DDX3Y: variants seen among roughly 807,000 people sequenced by gnomAD.
The protein encoded by DDX3Y is ATP-dependent RNA helicase DDX3Y.
Under a neutral mutation model 15.1 loss-of-function variants are expected in DDX3Y, and 2 were observed. The ratio of observed to expected loss-of-function variants is 0.13; its 90% CI spans 0.05 to 0.42. DDX3Y has a LOEUF of 0.42. Ranked by LOEUF, DDX3Y falls within the 10% of genes least tolerant of loss-of-function variation. DDX3Y has a pLI of 0.99. For missense variants in DDX3Y, 81 were observed against 149.9 expected, an observed-to-expected ratio of 0.54 and a Z score of 2.40; for synonymous variants, 47 against 45.0, an observed-to-expected ratio of 1.04 and a Z score of -0.18.
At chrY:12,908,569 A>C in intron 2 of DDX3Y, among the ~76,000 whole-genome samples, 1 of 34,463 alleles carries the variant, frequency 2.9e-5, no homozygotes, top group Non-Finnish European at 7.3e-5. Flanking sequence ...TTTACTTCTT[A>C]ATCATAGACT....
chrY:12,913,174 A>T, intron 6 of DDX3Y, 112 bp downstream of exon 6: 1 of 172,110 alleles, frequency 5.8e-6, no homozygotes, highest in Non-Finnish European at 1.0e-5. Flanking sequence ...TACCAAACTT[A>T]TGAAGCATCC....
At chrY:12,916,127 T>C in intron 12 of DDX3Y, 100 bp downstream of exon 12, 1 of 331,143 alleles carries the variant, frequency 3.0e-6, no homozygotes, top group East Asian at 9.5e-5. Flanking sequence ...AAAACAATGC[T>C]TACATTAATT....
intron 1 of DDX3Y, among the ~76,000 whole-genome samples, chrY:12,907,101 C>CA (rs2053614464): frequency 3.3e-5 from 1 of 30,554 alleles, no homozygotes; most frequent in Admixed American, 3.0e-4. Context: ...GTCTTCAGGG[C>CA]AAAGATAAAT....
chrY:12,904,880 C>G lies in DDX3Y; in HGVS notation c.-57C>G. On this transcript the variant is annotated 5_prime_UTR_variant, in exon 1 of 17. Coordinates refer to ENST00000336079, the MANE Select transcript of DDX3Y (RefSeq NM_004660.5). ...TAGCTGTAGGTCCAGTGTAAGAGTT[C>G]CGCTATTCGGTCTCACACCTACAGT... The G allele has an allele frequency of 2.7e-6, 1 of 370,425 alleles. No individual in the cohort carries two copies. Among genetic ancestry groups the G allele is most frequent in the Middle Eastern group, 6.3e-4 (1 of 1,596 alleles). 92.4% of individuals were successfully genotyped at this position (370,425 alleles called of 400,897 possible).
At position 12,920,311 on chromosome Y, in the gene DDX3Y, T is replaced by C. The variant is rs1001741722; in HGVS notation, c.*2189T>C. On this transcript the variant is annotated 3_prime_UTR_variant, in exon 17 of 17. Coordinates refer to ENST00000336079, the MANE Select transcript of DDX3Y (RefSeq NM_004660.5). Reference sequence around the variant, plus strand: ...GTCAGTGACTTAACATTCGGTTTTATCAGCCAGCAGTATTCTTCAGTAAAT... The same window carrying C: ...GTCAGTGACTTAACATTCGGTTTTACCAGCCAGCAGTATTCTTCAGTAAAT... The C allele has an allele frequency of 1.8e-4, 6 of 34,026 alleles. No homozygotes were observed. Among genetic ancestry groups the C allele is most frequent in the Admixed American group, 1.6e-3 (6 of 3,740 alleles). The allele number at this position is 34,026 out of a possible 400,897, so 8.5% of individuals were successfully genotyped here.
At chrY:12,913,463 A>G (rs745936623) in intron 6 of DDX3Y, among the ~76,000 whole-genome samples, 1 of 34,413 alleles carries the variant, frequency 2.9e-5, no homozygotes, top group East Asian at 7.6e-4. Context: ...TGCTGGGACT[A>G]CAGGCATCAG....
intron 1 of DDX3Y, 46 bp from the exon 2 acceptor site, chrY:12,907,491 A>G: frequency 4.0e-6 from 1 of 252,965 alleles, no homozygotes; most frequent in East Asian, 1.1e-4. Flanking sequence ...TTGTGATGTT[A>G]TCTGTTCTTG....
chrY:12,904,716 T>G (rs2053605843), upstream of DDX3Y: 1 of 146,454 alleles, frequency 6.8e-6, no homozygotes, highest in Admixed American at 1.3e-4. Context: ...GAACGCGATT[T>G]AGGGAGAAGT....
chrY:12,909,353 C>G lies in DDX3Y; in HGVS notation c.104-7C>G. On this transcript the variant is annotated splice_region_variant and splice_polypyrimidine_tract_variant and intron_variant, in intron 2 of 16. Coordinates refer to ENST00000336079, the MANE Select transcript of DDX3Y (RefSeq NM_004660.5). ...ATAGGCTTCTAATTTTACATTTTCT[C>G]TTTTAGAAGGGCGCTATATACCTCC... 2.6e-6 allele frequency: 1 copy of G among 391,092 alleles called. No homozygotes were observed. The highest frequency in any genetic ancestry group is 3.6e-6 in the Non-Finnish European group (1 of 278,944).
At chrY:12,917,272 G>A in intron 15 of DDX3Y, 131 bp from the exon 16 acceptor site, 1 of 271,548 alleles carries the variant, frequency 3.7e-6, no homozygotes, top group East Asian at 1.0e-4. Context: ...GGACATTAAT[G>A]GGATGGTTCC....
rs2053660711 is a variant in DDX3Y, at chrY:12,919,483, T to TA, written c.*1364dup. ...GCATAAGAAGTTGACAAAAATTTCT[T>TA]AAAGTGCAATAGATTTTCAAGTGTA... On this transcript the variant is annotated 3_prime_UTR_variant, in exon 17 of 17. Transcript: ENST00000336079. 5.9e-5 allele frequency: 2 copies of TA among 33,981 alleles called. No individual in the cohort carries two copies. The highest frequency in any genetic ancestry group is 1.2e-4 in the African/African-American group (1 of 8,661). 8.5% of individuals were successfully genotyped at this position (33,981 alleles called of 400,897 possible).
intron 8 of DDX3Y, 74 bp downstream of exon 8, chrY:12,914,723 G>A: frequency 7.2e-6 from 2 of 276,859 alleles, no homozygotes; most frequent in Non-Finnish European, 1.1e-5. Flanking sequence ...TTTTCTAACG[G>A]ATGCCAGATA....
intron 1 of DDX3Y, 124 bp downstream of exon 1, chrY:12,905,105 G>C: frequency 5.0e-6 from 1 of 200,117 alleles, no homozygotes; most frequent in Non-Finnish European, 9.0e-6. Flanking sequence ...ATGTGACTGG[G>C]ACTCTAGGGA....
chrY:12,906,710 T>C, intron 1 of DDX3Y, among the ~76,000 whole-genome samples: 1 of 33,157 alleles, frequency 3.0e-5, no homozygotes, highest in Non-Finnish European at 7.4e-5. Flanking sequence ...AAAAAATCTA[T>C]TTTAACGTAC....
rs772384410 is a variant in DDX3Y, at chrY:12,917,386, C to T, written c.1764-17C>T. The T allele has an allele frequency of 1.0e-5, 4 of 396,594 alleles. No homozygotes were observed. Among genetic ancestry groups the T allele is most frequent in the Non-Finnish European group, 1.4e-5 (4 of 282,356 alleles). ...AACTTTGTACTTAACACTGCCATGC[C>T]ATATTTTTGCTTACAGTAATAGATT... On this transcript the variant is annotated splice_polypyrimidine_tract_variant and intron_variant, in intron 15 of 16. Coordinates refer to ENST00000336079, the MANE Select transcript of DDX3Y (RefSeq NM_004660.5).
intron 3 of DDX3Y, among the ~76,000 whole-genome samples, chrY:12,911,200 A>G: frequency 3.0e-5 from 1 of 33,294 alleles, no homozygotes; most frequent in African/African-American, 1.2e-4. Context: ...GGTGTGAGCC[A>G]TCCCTGTTTT....
At position 12,920,117 on chromosome Y, in the gene DDX3Y, T is replaced by C. The variant is rs2053662111; in HGVS notation, c.*1995T>C. On this transcript the variant is annotated 3_prime_UTR_variant, in exon 17 of 17. Coordinates refer to ENST00000336079, the MANE Select transcript of DDX3Y (RefSeq NM_004660.5). Reference sequence around the variant, plus strand: ...AAATTGTCAACTTGAAACTAAAACATGCCAAGGTTTTGATATACTTGTCTT... The same window carrying C: ...AAATTGTCAACTTGAAACTAAAACACGCCAAGGTTTTGATATACTTGTCTT... 1 of 33,886 alleles carries C rather than the reference T, an allele frequency of 3.0e-5. No homozygotes were observed. The highest frequency in any genetic ancestry group is 7.4e-5 in the Non-Finnish European group (1 of 13,590). The allele number at this position is 33,886 out of a possible 400,897, so 8.5% of individuals were successfully genotyped here.
At position 12,916,505 on chromosome Y, in the gene DDX3Y, T is replaced by A; in HGVS notation, c.1492-12T>A. ...TAGTGCTTTTTTTTTTTAAAAGAAG[T>A]TAATTTTTCAGGTGGCAGCACGAGG... On this transcript the variant is annotated splice_polypyrimidine_tract_variant and intron_variant, in intron 13 of 16. Transcript: ENST00000336079. The A allele has an allele frequency of 2.5e-6, 1 of 392,920 alleles. No homozygotes were observed.
chrY:12,920,379 C>CTGTAA lies in DDX3Y; in HGVS notation c.*2258_*2262dup, dbSNP rs2053663819. The CTGTAA allele has an allele frequency of 1.2e-4, 4 of 34,130 alleles. No homozygotes were observed. Among genetic ancestry groups the CTGTAA allele is most frequent in the Non-Finnish European group, 2.9e-4 (4 of 13,665 alleles). 8.5% of individuals were successfully genotyped at this position (34,130 alleles called of 400,897 possible). On this transcript the variant is annotated 3_prime_UTR_variant, in exon 17 of 17. Transcript: ENST00000336079. ...AATGTAATCATTGAACCTCGAGTCACTGTAAAAGTTCAGTAATTGCTTATT... is the reference window on the plus strand; with the variant it reads ...AATGTAATCATTGAACCTCGAGTCACTGTAATGTAAAAGTTCAGTAATTGCTTATT...
Sources: allele counts gnomAD v4.1 joint callset (sites outside exome capture counted in the v4.1 genomes callset), GRCh38; gene constraint gnomAD v4.1.1; transcripts MANE v1.5; gene names NCBI Gene and HGNC (gene_info 2026-07-23, HGNC 2026-07-21).